MAGI2: variants seen among roughly 807,000 people sequenced by gnomAD.
MAGI2 encodes the protein membrane associated guanylate kinase, WW and PDZ domain containing 2.
Under a neutral mutation model 133.3 loss-of-function variants are expected in MAGI2, and 35 were observed. The ratio of observed to expected loss-of-function variants is 0.26; its 90% CI spans 0.20 to 0.35. The LOEUF is 0.35. MAGI2 is among the 10% of genes least tolerant of loss of function. MAGI2 has a pLI of 1.00. For missense variants in MAGI2, 1,636 were observed against 1,863.4 expected (o/e 0.88, Z 2.25); for synonymous variants, 729 against 710.6 (o/e 1.03, Z -0.41).
At chr7:79,237,809 C>T (rs552364372) in intron 1 of MAGI2, among the ~76,000 whole-genome samples, 1 of 152,244 alleles carries the variant, frequency 6.6e-6, no homozygotes, top group South Asian at 2.1e-4. Context: ...TGCTGTTGGG[C>T]TTTTGGCACT....
intron 16 of MAGI2, among the ~76,000 whole-genome samples, chr7:78,148,290 A>G (rs570629767): frequency 9.2e-5 from 14 of 152,328 alleles, no homozygotes; most frequent in Admixed American, 2.6e-4. Context: ...AGCCAGACTG[A>G]AAAGGCTACA....
intron 2 of MAGI2, among the ~76,000 whole-genome samples, chr7:78,930,293 A>G (rs1029616577): frequency 6.6e-6 from 1 of 152,138 alleles, no homozygotes; most frequent in African/African-American, 2.4e-5. Flanking sequence ...AATTTCCTAA[A>G]TGCATCAAGC....
At chr7:78,296,571 A>G (rs767541340) in intron 9 of MAGI2, among the ~76,000 whole-genome samples, 1 of 152,156 alleles carries the variant, frequency 6.6e-6, no homozygotes, top group Non-Finnish European at 1.5e-5. Flanking sequence ...TTCATTTACT[A>G]TGGTATGCCT....
chr7:78,970,547 A>G (rs567617238), intron 2 of MAGI2, among the ~76,000 whole-genome samples: 47 of 152,010 alleles, frequency 3.1e-4, no homozygotes, highest in African/African-American at 9.4e-4. Context: ...AGAAATTAGC[A>G]ATTATGGAAA....
intron 2 of MAGI2, among the ~76,000 whole-genome samples, chr7:78,843,368 G>T (rs1323015910): frequency 6.6e-6 from 1 of 151,922 alleles, no homozygotes; most frequent in African/African-American, 2.4e-5. Flanking sequence ...GAACACTGAA[G>T]TTGGTTGATT....
At chr7:78,904,583 G>A (rs1156232454) in intron 2 of MAGI2, among the ~76,000 whole-genome samples, 1 of 147,134 alleles carries the variant, frequency 6.8e-6, no homozygotes, top group Non-Finnish European at 1.5e-5. Flanking sequence ...GAGCACAGTG[G>A]CACCTTCTCG....
At chr7:79,219,008 G>A (rs1007757499) in intron 1 of MAGI2, among the ~76,000 whole-genome samples, 1 of 151,942 alleles carries the variant, frequency 6.6e-6, no homozygotes, top group East Asian at 1.9e-4. Context: ...AGAACCCTAG[G>A]GATTTTGCCA....
At chr7:78,763,701 T>C (rs1824740809) in intron 2 of MAGI2, among the ~76,000 whole-genome samples, 1 of 150,080 alleles carries the variant, frequency 6.7e-6, no homozygotes, top group African/African-American at 2.4e-5. Flanking sequence ...AGTCCAATTA[T>C]CTCCACCTAA....
At chr7:78,641,584 C>T (rs1330774036) in intron 2 of MAGI2, among the ~76,000 whole-genome samples, 2 of 152,146 alleles carry the variant, frequency 1.3e-5, no homozygotes, top group African/African-American at 4.8e-5. Context: ...ACTTGTAAAT[C>T]AACAAGATGC....
In MAGI2 at chr7:79,384,232, A is replaced by G. The variant is rs149301684; in HGVS notation, c.301+68788T>C. ...GCTAAGAAAATCATTTCTATAAAATATAAAAGAAAGAAATGATGTTAGAGA... is the reference window on the plus strand; with the variant it reads ...GCTAAGAAAATCATTTCTATAAAATGTAAAAGAAAGAAATGATGTTAGAGA... On this transcript the variant is annotated intron_variant, in intron 1 of 21. Transcript: ENST00000354212. 4.5e-4 allele frequency among the ~76,000 whole-genome samples: 69 copies of G among 151,682 alleles called. No individual in the cohort carries two copies. In the East Asian group the frequency reaches 0.013, roughly 28 times the overall value.
chr7:79,137,181 C>T (rs372688386), intron 1 of MAGI2, among the ~76,000 whole-genome samples: 31 of 152,132 alleles, frequency 2.0e-4, no homozygotes, highest in East Asian at 1.2e-3. Context: ...CCTCCAAACC[C>T]GTAAGACCCT....
At chr7:79,336,106 T>A (rs1585617088) in intron 1 of MAGI2, among the ~76,000 whole-genome samples, 1 of 152,258 alleles carries the variant, frequency 6.6e-6, no homozygotes, top group Non-Finnish European at 1.5e-5. Context: ...GGACAAAAAT[T>A]GTTATAGCAA....
At chr7:78,707,078 G>C (rs1170216069) in intron 2 of MAGI2, among the ~76,000 whole-genome samples, 1 of 152,020 alleles carries the variant, frequency 6.6e-6, no homozygotes. Context: ...ACCCCCACCT[G>C]TATCTGAATG....
chr7:78,229,902 C>T (rs1057226093), intron 10 of MAGI2, among the ~76,000 whole-genome samples: 1 of 152,014 alleles, frequency 6.6e-6, no homozygotes, highest in Non-Finnish European at 1.5e-5. Flanking sequence ...CCATTCTTGG[C>T]CAAGAGGTCC....
chr7:78,020,029 G>T (rs1165346845), intron 21 of MAGI2, 53 bp from the exon 22 acceptor site: 15 of 1,475,274 alleles, frequency 1.0e-5, no homozygotes, highest in Non-Finnish European at 1.3e-5. Flanking sequence ...ACGTCCCCGT[G>T]CCCTCTCTAC....
At chr7:79,175,708 T>G (rs1225653613) in intron 1 of MAGI2, among the ~76,000 whole-genome samples, 1 of 152,008 alleles carries the variant, frequency 6.6e-6, no homozygotes, top group Non-Finnish European at 1.5e-5. Flanking sequence ...AGCTACAAAT[T>G]TGTACAGCAT....
At chr7:78,443,402 C>T (rs1298777301) in intron 6 of MAGI2, among the ~76,000 whole-genome samples, 1 of 152,064 alleles carries the variant, frequency 6.6e-6, no homozygotes, top group Non-Finnish European at 1.5e-5. Context: ...CACACTTGGT[C>T]ATCCTTTCTT....
chr7:78,267,025 G>T (rs1562714407), intron 9 of MAGI2, among the ~76,000 whole-genome samples: 1 of 152,186 alleles, frequency 6.6e-6, no homozygotes, highest in Non-Finnish European at 1.5e-5. Context: ...TACTGGTGGA[G>T]CTGCTTGGTC....
At chr7:79,267,719 G>A (rs1032067409) in intron 1 of MAGI2, among the ~76,000 whole-genome samples, 1 of 152,104 alleles carries the variant, frequency 6.6e-6, no homozygotes, top group African/African-American at 2.4e-5. Context: ...GATAGAAGGA[G>A]AAAAGACATA....
Sources: gnomAD v4.1 joint callset for allele counts (sites outside exome capture counted in the v4.1 genomes callset) on GRCh38, gnomAD v4.1.1 for gene constraint, MANE v1.5 for transcripts, NCBI Gene and HGNC (gene_info 2026-07-23, HGNC 2026-07-21) for gene names.